The following COL8A2 variants were observed in gnomAD, a reference collection of about 807,000 sequenced individuals.
COL8A2 encodes collagen type VIII alpha 2 chain.
A neutral mutation model predicts 24.0 loss-of-function variants in COL8A2; 16 were observed. The ratio of observed to expected loss-of-function variants is 0.67; its 90% CI spans 0.45 to 1.01. The LOEUF (loss-of-function observed/expected upper bound fraction) is 1.01, where lower values mean the gene tolerates loss of function less well. Ranked by LOEUF, COL8A2 falls within the 50% of genes least tolerant of loss-of-function variation. The pLI, the probability that COL8A2 is intolerant of heterozygous loss-of-function variation, is 0.00. For missense variants in COL8A2, 818 were observed against 942.4 expected (o/e 0.87, Z 1.73); for synonymous variants, 466 against 424.5 (o/e 1.10, Z -1.20).
intron 2 of COL8A2, among the ~76,000 whole-genome samples, chr1:36,107,880 G>A (rs755155680): frequency 3.3e-5 from 5 of 151,838 alleles, no homozygotes; most frequent in African/African-American, 1.2e-4. Flanking sequence ...CTGCCCTCTC[G>A]ACACCTGGGA....
At chr1:36,108,667 C>T (rs546806609) in intron 2 of COL8A2, among the ~76,000 whole-genome samples, 24 of 152,280 alleles carry the variant, frequency 1.6e-4, no homozygotes, top group African/African-American at 2.9e-4. Context: ...GCCAAGGAGA[C>T]CGGCTGGGAG....
At chr1:36,121,915 C>T (rs1461265888) in intron 1 of COL8A2, among the ~76,000 whole-genome samples, 1 of 152,098 alleles carries the variant, frequency 6.6e-6, no homozygotes, top group Non-Finnish European at 1.5e-5. Context: ...TGAGCTGGGC[C>T]AGCAGTGCCA....
At position 36,099,189 on chromosome 1, in the gene COL8A2, C is replaced by T. The variant is rs565763925; in HGVS notation, c.492G>A (p.Pro164=). The T allele has an allele frequency of 7.0e-5, 106 of 1,511,382 alleles. No homozygotes were observed. Among genetic ancestry groups the T allele is most frequent in the South Asian group, 3.0e-4 (24 of 79,756 alleles). The allele number at this position is 1,511,382 out of a possible 1,614,324, so 93.6% of individuals were successfully genotyped here. A position where few individuals can be genotyped will look rare whatever the true frequency, so the allele number is the denominator to read the frequency against. ...LRGPPGPPGL[P]GPSGITIPGK... ...CAGGGATAGTAATGCCTGAGGGGCC[C>T]GGGAGGCCAGGGGGTCCTGGGGGTC... The change falls in exon 4 of 4, where the codon CCG becomes CCA. Residue 164 remains proline, a synonymous_variant. Coordinates refer to ENST00000397799, the MANE Select transcript of COL8A2 (RefSeq NM_005202.4).
At position 36,115,398 on chromosome 1, in the gene COL8A2, G is replaced by A. The variant is rs1643874645; in HGVS notation, c.-17+310C>T. 6.6e-6 allele frequency among the ~76,000 whole-genome samples: 1 copy of A among 152,162 alleles called. No individual in the cohort carries two copies. The highest frequency in any genetic ancestry group is 2.1e-4 in the South Asian group (1 of 4,838). The stretch of plus-strand genomic sequence containing the variant: ...CAGCGGCAGCAGGAGGGGCTGGGCT[G>A]GGCAGGGAGGGGGCCTGGCGGGAGC... On this transcript the variant is annotated intron_variant, in intron 2 of 3. Coordinates refer to ENST00000397799, the MANE Select transcript of COL8A2 (RefSeq NM_005202.4). The surrounding 1 kb of genome is among the most constrained non-coding windows in gnomAD (Gnocchi z 5.7).
Position 36,098,183 on chromosome 1 carries a change from G to A in COL8A2, c.1498C>T (p.Pro500Ser). ...GGCCCCGTGGGCCCAGCCGTGCCAG[G>A]TTCCCCTGCTCTCCCCTCTCCAGGG... ...GPPGEGRAGE[P>S]GTAGPTGPPG... Residue 500 changes from proline (P) to serine (S), a missense_variant, in exon 4 of 4, where the codon CCT becomes TCT. By Grantham distance (74) the Pro-to-Ser change is moderately conservative. This residue lies in a region of COL8A2 where 235 missense variants were observed against 297.3 expected (regional missense o/e 0.79). Transcript: ENST00000397799. 6.6e-7 allele frequency: 1 copy of A among 1,526,690 alleles called. No homozygotes were observed. Among genetic ancestry groups the A allele is most frequent in the Non-Finnish European group, 8.8e-7 (1 of 1,137,718 alleles). The allele number at this position is 1,526,690 out of a possible 1,614,324, so 94.6% of individuals were successfully genotyped here.
Position 36,097,512 on chromosome 1 carries a change from A to C in COL8A2, c.*57T>G. On this transcript the variant is annotated 3_prime_UTR_variant, in exon 4 of 4. Coordinates refer to ENST00000397799, the MANE Select transcript of COL8A2 (RefSeq NM_005202.4). ...TTCCAGGAGGTTCTTTGTAATTGAA[A>C]AGGTCGCTCTACCACTAAAGGGGAG... 1 of 1,364,246 alleles carries C rather than the reference A, an allele frequency of 7.3e-7. No individual in the cohort carries two copies. Among genetic ancestry groups the C allele is most frequent in the Non-Finnish European group, 1.0e-6 (1 of 989,840 alleles). 84.5% of individuals were successfully genotyped at this position (1,364,246 alleles called of 1,614,324 possible). A position where few individuals can be genotyped will look rare whatever the true frequency, so the allele number is the denominator to read the frequency against.
At chr1:36,118,331 C>T (rs1643889282) in intron 1 of COL8A2, among the ~76,000 whole-genome samples, 1 of 152,208 alleles carries the variant, frequency 6.6e-6, no homozygotes, top group Non-Finnish European at 1.5e-5. Flanking sequence ...CAGCCACGGG[C>T]CCTGCCCCCT....
At chr1:36,114,874 G>C (rs1341681427) in intron 2 of COL8A2, among the ~76,000 whole-genome samples, 1 of 39,896 alleles carries the variant, frequency 2.5e-5, no homozygotes, top group Non-Finnish European at 4.9e-5. Flanking sequence ...GGGCTGGAGG[G>C]GGCTTGGACC....
chr1:36,114,298 G>A (rs1227849679), intron 2 of COL8A2, among the ~76,000 whole-genome samples: 10 of 129,836 alleles, frequency 7.7e-5, no homozygotes, highest in African/African-American at 2.1e-4. Context: ...TAACCTGGGC[G>A]ACAGAGCGAG....
chr1:36,109,098 C>G lies in COL8A2; in HGVS notation c.-17+6610G>C, dbSNP rs1643802120. Among the ~76,000 whole-genome samples the G allele has an allele frequency of 2.0e-5, 3 of 152,340 alleles. 1 individual carries two copies. The Middle Eastern group carries it at 0.01, about 518-fold the overall frequency. On this transcript the variant is annotated intron_variant, in intron 2 of 3. Coordinates refer to ENST00000397799, the MANE Select transcript of COL8A2 (RefSeq NM_005202.4). ...GCGCAGGCCCCTACTGCTCCAAGCC[C>G]CCCACCCACCCCAGACAGAGCAACT...
In COL8A2 at chr1:36,095,283, A is replaced by C. The variant is rs1175978560; in HGVS notation, c.*2286T>G. Reference sequence around the variant, plus strand: ...TATTGAGGATGTGTCAATACAGTTAACATGGTTGCTTGTCTTTTCAAAAAG... The same window carrying C: ...TATTGAGGATGTGTCAATACAGTTACCATGGTTGCTTGTCTTTTCAAAAAG... On this transcript the variant is annotated 3_prime_UTR_variant, in exon 4 of 4. Transcript: ENST00000397799. 1 of 152,190 alleles carries C rather than the reference A, an allele frequency of 6.6e-6. No homozygotes were observed. The highest frequency in any genetic ancestry group is 2.4e-5 in the African/African-American group (1 of 41,442). The allele number at this position is 152,190 out of a possible 1,614,324, so 9.4% of individuals were successfully genotyped here.
chr1:36,111,206 T>C (rs1018762524), intron 2 of COL8A2, among the ~76,000 whole-genome samples: 24 of 151,828 alleles, frequency 1.6e-4, no homozygotes, highest in Admixed American at 1.3e-3. Flanking sequence ...GCCTGACCCC[T>C]CCCCAGCCAC....
Position 36,115,325 on chromosome 1 carries a change from C to G in COL8A2, c.-17+383G>C, listed in dbSNP as rs1391777200. Among the ~76,000 whole-genome samples the G allele has an allele frequency of 6.6e-6, 1 of 152,222 alleles. No individual in the cohort carries two copies. The highest frequency in any genetic ancestry group is 1.5e-5 in the Non-Finnish European group (1 of 68,036). On this transcript the variant is annotated intron_variant, in intron 2 of 3. Transcript: ENST00000397799. This position sits in a 1 kb window ranked among gnomAD's most constrained non-coding sequence, Gnocchi z 5.7. ...CCCGCCACCCGCTGCCTCCCCACGC[C>G]TGCCAAGATTCCTGGGCCTCTGCGG...
Position 36,099,496 on chromosome 1 carries a change from GAA to G in COL8A2, c.194-11_194-10del. 1 of 1,529,380 alleles carries G rather than the reference GAA, an allele frequency of 6.5e-7. No homozygotes were observed. Among genetic ancestry groups the G allele is most frequent in the East Asian group, 2.4e-5 (1 of 41,318 alleles). 94.7% of individuals were successfully genotyped at this position (1,529,380 alleles called of 1,614,324 possible). On this transcript the variant is annotated splice_polypyrimidine_tract_variant and intron_variant, in intron 3 of 3. Transcript: ENST00000397799. ...CAGCGGTAGAGGCATTTCTGAGAAA[GAA>G]AGAGAAAGGGGCAGTCAGGGGCCTG...
At chr1:36,104,366 C>T (rs1199168536) in intron 2 of COL8A2, among the ~76,000 whole-genome samples, 1 of 151,830 alleles carries the variant, frequency 6.6e-6, no homozygotes, top group African/African-American at 2.4e-5. Flanking sequence ...GTGGCATGCA[C>T]CTGTAGTCCC....
rs1206331656 is a variant in COL8A2, at chr1:36,098,210, G to A, written c.1471C>T (p.Pro491Ser). 1.9e-6 allele frequency: 3 copies of A among 1,539,418 alleles called. No homozygotes were observed. The highest frequency in any genetic ancestry group is 2.0e-5 in the Admixed American group (1 of 50,792). ...TCCCCTGCTCTCCCCTCTCCAGGGG[G>A]CCCTGGCAGGCCTGGTTCCCCCTTC... ...GLKGEPGLPGPPGEGRAGEPG... is the reference protein window; with the variant it reads ...GLKGEPGLPGSPGEGRAGEPG... The change falls in exon 4 of 4, where the codon CCC becomes TCC. Residue 491 changes from proline to serine, a missense_variant. Pro to Ser is a moderately conservative substitution (Grantham distance 74, BLOSUM62 -1). Transcript: ENST00000397799.
chr1:36,114,909 GC>G (rs1318791775), intron 2 of COL8A2, among the ~76,000 whole-genome samples: 2 of 152,088 alleles, frequency 1.3e-5, no homozygotes, highest in Non-Finnish European at 2.9e-5. Context: ...AGGTGACCAA[GC>G]CCCTGGCCTC....
Position 36,125,023 on chromosome 1 carries a change from G to A in COL8A2, c.-62+34C>T. On this transcript the variant is annotated intron_variant, in intron 1 of 3. Transcript: ENST00000397799. This position sits in a 1 kb window ranked among gnomAD's most constrained non-coding sequence, Gnocchi z 4.5. ...CAGGTCTTGCCCTCGGAGCCCCCCA[G>A]CCCGAGCCCCGGTGCCCGCCTCCTG... is the stretch of plus-strand genomic sequence containing the variant. The A allele has an allele frequency of 1.1e-6, 1 of 919,316 alleles. No individual in the cohort carries two copies. The highest frequency in any genetic ancestry group is 5.0e-5 in the South Asian group (1 of 19,982). The allele number at this position is 919,316 out of a possible 1,614,324, so 56.9% of individuals were successfully genotyped here. A position where few individuals can be genotyped will look rare whatever the true frequency, so the allele number is the denominator to read the frequency against.
chr1:36,096,440 G>T lies in COL8A2; in HGVS notation c.*1129C>A, dbSNP rs915855994. On this transcript the variant is annotated 3_prime_UTR_variant, in exon 4 of 4. Coordinates refer to ENST00000397799, the MANE Select transcript of COL8A2 (RefSeq NM_005202.4). ...TAGAACAGGAAATTGGAACCAGAGG[G>T]TGGAAGGAGAGGAAGCCCCCACAGA... 4 of 152,332 alleles carry T rather than the reference G, an allele frequency of 2.6e-5. No individual in the cohort carries two copies. Among genetic ancestry groups the T allele is most frequent in the African/African-American group, 9.7e-5 (4 of 41,432 alleles). The allele number at this position is 152,332 out of a possible 1,614,324, so 9.4% of individuals were successfully genotyped here.
Sources: gnomAD v4.1 joint callset for allele counts (sites outside exome capture counted in the v4.1 genomes callset) on GRCh38, gnomAD v4.1.1 for gene constraint, gnomAD v4.1.1 regional missense constraint, Gnocchi (gnomAD v3.1) non-coding constraint, MANE v1.5 for transcripts, NCBI Gene and HGNC (gene_info 2026-07-23, HGNC 2026-07-21) for gene names.